ZNF502: variants seen among roughly 807,000 people sequenced by gnomAD.
The protein encoded by ZNF502 is zinc finger protein 502.
In ZNF502, 29 loss-of-function variants were observed where a neutral mutation model predicts 43.6. The ratio of observed to expected loss-of-function variants is 0.67; its 90% CI spans 0.50 to 0.91. ZNF502 has a LOEUF of 0.91. Among genes scored for constraint, ZNF502 ranks in the 40% least tolerant of loss-of-function variants. The pLI is 0.00. For synonymous variants in ZNF502, 171 were observed against 207.4 expected, an observed-to-expected ratio of 0.82 and a Z score of 1.51; for missense variants, 591 against 647.2, an observed-to-expected ratio of 0.91 and a Z score of 0.94.
Position 44,722,360 on chromosome 3 carries a change from G to A in ZNF502, c.1543G>A (p.Gly515Ser), listed in dbSNP as rs763870043. The part of the protein sequence containing the change: ...HLSEHYRIHT[G>S]EKPYECIECG... ...TAGTGAACATTACAGAATTCACACT[G>A]GTGAGAAGCCTTATGAGTGTATTGA... The change falls in exon 3 of 3, where the codon GGT becomes AGT. Residue 515 changes from glycine (G) to serine (S), a missense_variant. Coordinates refer to ENST00000436624, the MANE Select transcript of ZNF502 (RefSeq NM_001134442.3). 1.2e-6 allele frequency: 2 copies of A among 1,614,130 alleles called. No homozygotes were observed. Among genetic ancestry groups the A allele is most frequent in the Admixed American group, 1.7e-5 (1 of 60,008 alleles).
chr3:44,714,809 T>C (rs1483597243), intron 1 of ZNF502: 1 of 152,234 alleles, frequency 6.6e-6, no homozygotes, highest in African/African-American at 2.4e-5. Flanking sequence ...TTATCAGAGC[T>C]GGAATGACCC....
intron 1 of ZNF502, among the ~76,000 whole-genome samples, chr3:44,717,669 C>T (rs112135802): frequency 2.6e-5 from 4 of 152,242 alleles, no homozygotes; most frequent in African/African-American, 4.8e-5. Flanking sequence ...CCTCAGCCTC[C>T]CAAAGTGCTG....
At position 44,720,896 on chromosome 3, in the gene ZNF502, G is replaced by T. The variant is rs1224942431; in HGVS notation, c.79G>T (p.Ala27Ser). ...CPGWVNKNKP[A>S]LEQDVCKIDS... ...AGGCTGGGTAAACAAGAACAAGCCT[G>T]CTCTGGAGCAGGATGTCTGTAAAAT... Residue 27 changes from alanine (A) to serine (S), a missense_variant, in exon 3 of 3, where the codon GCT becomes TCT. Physicochemically the swap from Ala to Ser is moderately conservative, Grantham distance 99. Transcript: ENST00000436624. 6.2e-7 allele frequency: 1 copy of T among 1,613,314 alleles called. No homozygotes were observed. Among genetic ancestry groups the T allele is most frequent in the East Asian group, 2.2e-5 (1 of 44,864 alleles).
chr3:44,714,263 C>T (rs966472566), intron 1 of ZNF502, among the ~76,000 whole-genome samples: 12 of 152,190 alleles, frequency 7.9e-5, no homozygotes, highest in African/African-American at 2.7e-4. Flanking sequence ...CACCATAATA[C>T]TCAGCTTTCC....
In ZNF502 at chr3:44,720,870, C is replaced by T; in HGVS notation, c.56-3C>T. 1.2e-6 allele frequency: 2 copies of T among 1,604,910 alleles called. No individual in the cohort carries two copies. Among genetic ancestry groups the T allele is most frequent in the Non-Finnish European group, 1.7e-6 (2 of 1,176,022 alleles). The stretch of plus-strand genomic sequence containing the variant: ...AGATATTCATTCTGCTGTTTTCTTT[C>T]AGGCTGGGTAAACAAGAACAAGCCT... On this transcript the variant is annotated splice_polypyrimidine_tract_variant and splice_region_variant and intron_variant, in intron 2 of 2. Coordinates refer to ENST00000436624, the MANE Select transcript of ZNF502 (RefSeq NM_001134442.3).
In ZNF502 at chr3:44,720,995, G is replaced by A; in HGVS notation, c.178G>A (p.Ala60Thr). Residue 60 changes from alanine (A) to threonine (T), a missense_variant, in exon 3 of 3, where the codon GCA (alanine) becomes ACA (threonine). Transcript: ENST00000436624. ...YQDSTFEEKY[A>T]CEGMKENSPR... ...AGATTCTACATTTGAAGAAAAATATGCATGTGAGGGCATGAAGGAAAACTC... is the reference window on the plus strand; with the variant it reads ...AGATTCTACATTTGAAGAAAAATATACATGTGAGGGCATGAAGGAAAACTC... 6.2e-7 allele frequency: 1 copy of A among 1,614,164 alleles called. No homozygotes were observed. Among genetic ancestry groups the A allele is most frequent in the Non-Finnish European group, 8.5e-7 (1 of 1,180,016 alleles).
chr3:44,718,048 C>T (rs1352442503), intron 1 of ZNF502, among the ~76,000 whole-genome samples: 2 of 152,138 alleles, frequency 1.3e-5, no homozygotes, highest in Non-Finnish European at 2.9e-5. Context: ...ATTTCAAGTA[C>T]TTTTTTTATG....
chr3:44,721,755 A>T lies in ZNF502; in HGVS notation c.938A>T (p.His313Leu), dbSNP rs771108951. 1.3e-5 allele frequency: 21 copies of T among 1,613,376 alleles called. No individual in the cohort carries two copies. Among genetic ancestry groups the T allele is most frequent in the African/African-American group, 2.7e-5 (2 of 74,892 alleles). ...SFRKHSNLTQ[H>L]QRIHTGEKPH... is the part of the protein sequence containing the mutation. ...CGAAAACACTCAAATCTTACGCAAC[A>T]TCAGAGAATTCACACTGGGGAAAAA... is the stretch of plus-strand genomic sequence containing the variant. Residue 313 changes from histidine (H) to leucine (L), a missense_variant, in exon 3 of 3, where the codon CAT becomes CTT. Coordinates refer to ENST00000436624, the MANE Select transcript of ZNF502 (RefSeq NM_001134442.3).
At chr3:44,714,508 C>T (rs1169890903) in intron 1 of ZNF502, 2 of 152,110 alleles carry the variant, frequency 1.3e-5, no homozygotes, top group East Asian at 3.8e-4. Context: ...ACTACAAAGG[C>T]AAAGTTGAAT....
chr3:44,715,313 A>AT (rs1235177612), intron 1 of ZNF502, among the ~76,000 whole-genome samples: 1 of 152,064 alleles, frequency 6.6e-6, no homozygotes, highest in Non-Finnish European at 1.5e-5. Flanking sequence ...TGAAATTATG[A>AT]TTTTTGATAC....
chr3:44,713,524 A>G lies in ZNF502; in HGVS notation c.-60+784A>G, dbSNP rs573006740. ...AGGCACTATTTGAAGCATTTGTGCT[A>G]ATTGATTTAATCTTCACAACAGCGT... On this transcript the variant is annotated intron_variant, in intron 1 of 2. Coordinates refer to ENST00000436624, the MANE Select transcript of ZNF502 (RefSeq NM_001134442.3). Among the ~76,000 whole-genome samples the G allele has an allele frequency of 2.0e-5, 3 of 152,180 alleles. No homozygotes were observed. In the South Asian group the frequency reaches 6.2e-4, roughly 31 times the overall value.
chr3:44,716,340 A>T (rs1428442311), intron 1 of ZNF502, among the ~76,000 whole-genome samples: 1 of 152,090 alleles, frequency 6.6e-6, no homozygotes, highest in Non-Finnish European at 1.5e-5. Context: ...GGTGCCTGCC[A>T]CTGCGCCCGG....
intron 1 of ZNF502, among the ~76,000 whole-genome samples, chr3:44,719,638 C>T (rs1704251889): frequency 6.6e-6 from 1 of 152,192 alleles, no homozygotes; most frequent in South Asian, 2.1e-4. Context: ...TGACACTGAG[C>T]TATACCTGAA....
In ZNF502 at chr3:44,721,902, A is replaced by G; in HGVS notation, c.1085A>G (p.Gln362Arg). ...KCKECGKAFC[Q>R]SPSLIKHQRI... ...AAAGAATGTGGCAAAGCCTTTTGTC[A>G]GAGCCCATCTCTTATTAAACACCAG... is the stretch of plus-strand genomic sequence containing the variant. Residue 362 changes from glutamine (Q) to arginine (R), a missense_variant, in exon 3 of 3, where the codon CAG (glutamine) becomes CGG (arginine). Transcript: ENST00000436624. The G allele has an allele frequency of 2.5e-6, 4 of 1,614,120 alleles. No homozygotes were observed. The highest frequency in any genetic ancestry group is 3.4e-6 in the Non-Finnish European group (4 of 1,179,974).
intron 1 of ZNF502, among the ~76,000 whole-genome samples, chr3:44,713,913 C>G (rs1704083582): frequency 6.6e-6 from 1 of 152,130 alleles, no homozygotes; most frequent in Admixed American, 6.5e-5. Context: ...AACTGAGGTA[C>G]AGAGAGAACA....
chr3:44,721,186 AGAGAG>A lies in ZNF502; in HGVS notation c.370_374del (p.Glu124SerfsTer8). On this transcript the variant is annotated frameshift_variant, in exon 3 of 3. Coordinates refer to ENST00000436624, the MANE Select transcript of ZNF502 (RefSeq NM_001134442.3). LOFTEE classifies it high-confidence loss of function. ...TTACACGTCTCAGGGTTTCTACAGA[AGAGAG>A]TCTGCATCAGTGGGAAACAAGTAAT... 1 of 1,614,182 alleles carries A rather than the reference AGAGAG, an allele frequency of 6.2e-7. No homozygotes were observed. The highest frequency in any genetic ancestry group is 1.1e-5 in the South Asian group (1 of 91,092).
intron 1 of ZNF502, among the ~76,000 whole-genome samples, chr3:44,715,543 A>C (rs2125863022): frequency 6.6e-6 from 1 of 152,320 alleles, no homozygotes; most frequent in South Asian, 2.1e-4. Flanking sequence ...TTTATTCTTC[A>C]GATATGATCA....
At chr3:44,720,475 T>G (rs1211315995) in intron 2 of ZNF502, among the ~76,000 whole-genome samples, 159 bp downstream of exon 2, 1 of 152,202 alleles carries the variant, frequency 6.6e-6, no homozygotes, top group Non-Finnish European at 1.5e-5. Flanking sequence ...GGGCCAACTT[T>G]TCCCCAGTAC....
chr3:44,716,348 C>T (rs576409207), intron 1 of ZNF502, among the ~76,000 whole-genome samples: 14 of 152,120 alleles, frequency 9.2e-5, no homozygotes, highest in African/African-American at 1.7e-4. Context: ...CCACTGCGCC[C>T]GGCTAATTTT....
Sources: allele counts gnomAD v4.1 joint callset (sites outside exome capture counted in the v4.1 genomes callset), GRCh38; gene constraint gnomAD v4.1.1; transcripts MANE v1.5; gene names NCBI Gene and HGNC (gene_info 2026-07-23, HGNC 2026-07-21).